Variants in MAGI3 observed in about 807,000 individuals in gnomAD.
MAGI3 encodes the protein membrane-associated guanylate kinase, WW and PDZ domain-containing protein 3.
In MAGI3, 43 loss-of-function variants were observed where a neutral mutation model predicts 121.8. The observed-to-expected ratio is 0.35, with a 90% CI of 0.28 to 0.46. The LOEUF (loss-of-function observed/expected upper bound fraction) is 0.46, where lower values mean the gene tolerates loss of function less well. Among genes scored for constraint, MAGI3 ranks in the 20% least tolerant of loss-of-function variants. The pLI, the probability that MAGI3 is intolerant of heterozygous loss-of-function variation, is 1.00. For synonymous variants in MAGI3, 553 were observed against 639.3 expected, an observed-to-expected ratio of 0.86 and a Z score of 2.04; for missense variants, 1,547 against 1,797.3, an observed-to-expected ratio of 0.86 and a Z score of 2.52.
At chr1:113,644,879 A>G (rs1335790075) in intron 11 of MAGI3, among the ~76,000 whole-genome samples, 1 of 152,184 alleles carries the variant, frequency 6.6e-6, no homozygotes, top group Non-Finnish European at 1.5e-5. Context: ...GGAGTCTTTT[A>G]TCTCAAAATC....
At chr1:113,423,479 G>A (rs1652839184) in intron 1 of MAGI3, among the ~76,000 whole-genome samples, 1 of 152,110 alleles carries the variant, frequency 6.6e-6, no homozygotes. Context: ...CACCATGTTA[G>A]CCAGGGTAGT....
chr1:113,677,393 C>T (rs889486290), intron 19 of MAGI3, among the ~76,000 whole-genome samples: 13 of 152,238 alleles, frequency 8.5e-5, no homozygotes, highest in Non-Finnish European at 1.6e-4. Flanking sequence ...CTCAAGGAGA[C>T]TTAGTCACTT....
intron 6 of MAGI3, among the ~76,000 whole-genome samples, chr1:113,604,565 C>CAAAAAA (rs59047770): frequency 1.9e-4 from 12 of 62,006 alleles, no homozygotes; most frequent in African/African-American, 2.7e-4. Flanking sequence ...GTCTCCATCT[C>CAAAAAA]AAAAAAAAAA....
chr1:113,623,285 T>C (rs1650956969), intron 9 of MAGI3, among the ~76,000 whole-genome samples: 1 of 152,036 alleles, frequency 6.6e-6, no homozygotes, highest in South Asian at 2.1e-4. Flanking sequence ...TTATCTGTTG[T>C]GTTATAAACA....
intron 2 of MAGI3, among the ~76,000 whole-genome samples, chr1:113,575,862 C>A (rs529263680): frequency 6.6e-6 from 1 of 152,348 alleles, no homozygotes; most frequent in Non-Finnish European, 1.5e-5. Context: ...ACTGGGGCTG[C>A]TGCCTTTCTT....
At chr1:113,424,041 G>A (rs1277431721) in intron 1 of MAGI3, among the ~76,000 whole-genome samples, 5 of 152,134 alleles carry the variant, frequency 3.3e-5, no homozygotes, top group South Asian at 2.1e-4. Flanking sequence ...CTGCAAGAGC[G>A]CAAGGATACC....
intron 1 of MAGI3, among the ~76,000 whole-genome samples, chr1:113,457,531 A>G (rs1020197069): frequency 1.3e-5 from 2 of 152,086 alleles, no homozygotes; most frequent in Non-Finnish European, 2.9e-5. Context: ...TGTCCTCAGC[A>G]AGGACTATAT....
At chr1:113,409,877 G>A (rs896008613) in intron 1 of MAGI3, among the ~76,000 whole-genome samples, 3 of 152,058 alleles carry the variant, frequency 2.0e-5, no homozygotes, top group African/African-American at 7.2e-5. Context: ...CCTACTCAGG[G>A]ATATTTTCCT....
At position 113,422,352 on chromosome 1, in the gene MAGI3, C is replaced by T. The variant is rs907423234; in HGVS notation, c.316+31003C>T. ...ATCCTTAGGGTGTTGCTTCACTAGCCGGAAACTTCTGTGCCGGTGGCACCT... is the reference window on the plus strand; with the variant it reads ...ATCCTTAGGGTGTTGCTTCACTAGCTGGAAACTTCTGTGCCGGTGGCACCT... On this transcript the variant is annotated intron_variant, in intron 1 of 20. Coordinates refer to ENST00000307546, the MANE Select transcript of MAGI3 (RefSeq NM_001142782.2). The surrounding 1 kb of genome is among the most constrained non-coding windows in gnomAD (Gnocchi z 4.3). Among the ~76,000 whole-genome samples the T allele has an allele frequency of 2.6e-5, 4 of 152,216 alleles. No individual in the cohort carries two copies. The highest frequency in any genetic ancestry group is 4.4e-5 in the Non-Finnish European group (3 of 68,038).
At chr1:113,482,996 T>G (rs1252082631) in intron 1 of MAGI3, among the ~76,000 whole-genome samples, 2 of 152,038 alleles carry the variant, frequency 1.3e-5, no homozygotes, top group African/African-American at 4.8e-5. Flanking sequence ...TTTGTAGAGA[T>G]AGGGTTTTAC....
chr1:113,600,819 C>T (rs1649324568), intron 6 of MAGI3, among the ~76,000 whole-genome samples: 1 of 151,506 alleles, frequency 6.6e-6, no homozygotes, highest in Non-Finnish European at 1.5e-5. Flanking sequence ...TGACTTCAAC[C>T]TACTACAAGG....
rs74114405 is a variant in MAGI3 at position 113,585,686 on chromosome 1, C to T, written c.763+90C>T. ...AAAAGCACTAAAATTTTTTACAAAG[C>T]ATATGGAGAGCAAGTGATGGGATTT... On this transcript the variant is annotated intron_variant, in intron 4 of 20. Transcript: ENST00000307546. 2.7e-3 allele frequency: 3,056 copies of T among 1,116,812 alleles called. 54 individuals carry two copies. The African/African-American group carries it at 0.043, about 16-fold the overall frequency. The allele number at this position is 1,116,812 out of a possible 1,614,324, so 69.2% of individuals were successfully genotyped here.
intron 6 of MAGI3, among the ~76,000 whole-genome samples, chr1:113,596,972 A>G (rs1053854360): frequency 5.3e-5 from 8 of 152,198 alleles, no homozygotes; most frequent in East Asian, 1.9e-4. Context: ...TCTCCTAGGT[A>G]TCTACCCAAG....
intron 1 of MAGI3, among the ~76,000 whole-genome samples, chr1:113,395,094 T>TTTTTG (rs1279592731): frequency 2.8e-5 from 3 of 107,036 alleles, no homozygotes; most frequent in East Asian, 1.0e-3. Flanking sequence ...TTAGTTTTTT[T>TTTTTG]TTTTTTTTTT....
At chr1:113,548,922 G>T (rs1557816686) in intron 1 of MAGI3, among the ~76,000 whole-genome samples, 1 of 152,174 alleles carries the variant, frequency 6.6e-6, no homozygotes, top group African/African-American at 2.4e-5. Flanking sequence ...TTGCTAATGT[G>T]TTGGATCTGG....
intron 1 of MAGI3, among the ~76,000 whole-genome samples, chr1:113,496,560 A>C (rs545919649): frequency 6.6e-6 from 1 of 152,310 alleles, no homozygotes; most frequent in South Asian, 2.1e-4. Context: ...TGATGGAATA[A>C]ATTTTGATAA....
chr1:113,463,121 G>T (rs1276721442), intron 1 of MAGI3, among the ~76,000 whole-genome samples: 1 of 152,048 alleles, frequency 6.6e-6, no homozygotes, highest in Non-Finnish European at 1.5e-5. Flanking sequence ...CAAATCTCCA[G>T]TCTAGTGGTC....
At chr1:113,583,120 G>T (rs997046856) in intron 3 of MAGI3, among the ~76,000 whole-genome samples, 1 of 151,104 alleles carries the variant, frequency 6.6e-6, no homozygotes, top group East Asian at 1.9e-4. Context: ...AGAAAAAATA[G>T]ATCTAATTTA....
chr1:113,409,144 A>T (rs1374122941), intron 1 of MAGI3, among the ~76,000 whole-genome samples: 1 of 151,364 alleles, frequency 6.6e-6, no homozygotes, highest in African/African-American at 2.4e-5. Flanking sequence ...AGGAACACAC[A>T]TGGGTTAAAA....
Sources: allele counts gnomAD v4.1 joint callset (sites outside exome capture counted in the v4.1 genomes callset), GRCh38; gene constraint gnomAD v4.1.1; non-coding constraint Gnocchi (gnomAD v3.1); transcripts MANE v1.5; gene names NCBI Gene and HGNC (gene_info 2026-07-23, HGNC 2026-07-21).